NOC3L: variants seen among roughly 807,000 people sequenced by gnomAD.
The protein encoded by NOC3L is NOC3 like DNA replication regulator, also known as nucleolar complex protein 3 homolog.
In NOC3L, 85 loss-of-function variants were observed where a neutral mutation model predicts 102.5. The observed-to-expected ratio is 0.83, with a 90% CI of 0.70 to 0.99. The LOEUF (loss-of-function observed/expected upper bound fraction) is 0.99. Among genes scored for constraint, NOC3L ranks in the 50% least tolerant of loss-of-function variants. NOC3L has a pLI of 0.00. For synonymous variants in NOC3L, 303 were observed against 309.4 expected, an observed-to-expected ratio of 0.98 and a Z score of 0.22; for missense variants, 878 against 914.9, an observed-to-expected ratio of 0.96 and a Z score of 0.52.
At chr10:94,351,384 C>T (rs948518601) in intron 8 of NOC3L, among the ~76,000 whole-genome samples, 4 of 152,262 alleles carry the variant, frequency 2.6e-5, no homozygotes, top group Non-Finnish European at 4.4e-5. Context: ...CTGGCCTAGG[C>T]AACAACTGTC....
At chr10:94,354,430 C>A (rs938571919) in intron 6 of NOC3L, among the ~76,000 whole-genome samples, 1 of 152,040 alleles carries the variant, frequency 6.6e-6, no homozygotes, top group Non-Finnish European at 1.5e-5. Flanking sequence ...TAGTACTTAT[C>A]AGGGCCAAGA....
chr10:94,315,132 T>C, the NOC3L span: 1 of 276,752 alleles, frequency 3.6e-6, no homozygotes, highest in African/African-American at 2.2e-5. Context: ...TCCTGAATTA[T>C]CCCTATAGTA....
chr10:94,336,362 T>A (rs1449054053), intron 19 of NOC3L, among the ~76,000 whole-genome samples: 1 of 151,950 alleles, frequency 6.6e-6, no homozygotes, highest in Non-Finnish European at 1.5e-5. Flanking sequence ...CTGTTTTTTT[T>A]TTTTCAGACG....
chr10:94,322,142 TTA>T, the NOC3L span: 2 of 1,312,854 alleles, frequency 1.5e-6, no homozygotes, highest in Admixed American at 1.7e-5. Context: ...ATGGCTCATT[TTA>T]TGAGTGAAGT....
intron 7 of NOC3L, 41 bp downstream of exon 7, chr10:94,352,855 G>A: frequency 1.9e-6 from 3 of 1,543,678 alleles, no homozygotes; most frequent in Non-Finnish European, 2.7e-6. Context: ...AAAATGTTTA[G>A]TTATTTTAGA....
At chr10:94,341,575 GT>G in intron 14 of NOC3L, 97 bp downstream of exon 14, 3 of 539,550 alleles carry the variant, frequency 5.6e-6, no homozygotes, top group Non-Finnish European at 6.2e-6. Flanking sequence ...TCTAAAAGGG[GT>G]TTTACTGTAT....
At chr10:94,324,407 A>C in the NOC3L span, 1 of 1,614,192 alleles carries the variant, frequency 6.2e-7, no homozygotes, top group Non-Finnish European at 8.5e-7. Context: ...CCAAGCGACT[A>C]TGTGCTTTTG....
the NOC3L span, among the ~76,000 whole-genome samples, chr10:94,318,339 T>A: frequency 1.3e-5 from 2 of 152,232 alleles, no homozygotes; most frequent in African/African-American, 4.8e-5. Context: ...TTGTCTTGCC[T>A]TATTAATTAG....
intron 20 of NOC3L, 27 bp downstream of exon 20, chr10:94,334,607 T>A: frequency 6.4e-7 from 1 of 1,555,080 alleles, no homozygotes; most frequent in Non-Finnish European, 8.8e-7. Context: ...TATTTCTTCC[T>A]TTAAAAAAAT....
At chr10:94,357,931 C>A in intron 3 of NOC3L, 152 bp downstream of exon 3, 2 of 609,512 alleles carry the variant, frequency 3.3e-6, no homozygotes, top group Admixed American at 2.9e-5. Flanking sequence ...TATACATGAA[C>A]CTCCTTTATT....
chr10:94,333,353 T>G lies in NOC3L; in HGVS notation c.*824A>C, dbSNP rs1463831328. The stretch of plus-strand genomic sequence containing the variant: ...TGGGAATAGCTGTTACATAAAATAC[T>G]GTTTTATAATTATATTAATAAGAAA... On this transcript the variant is annotated 3_prime_UTR_variant, in exon 21 of 21. Transcript: ENST00000371361. 6.6e-6 allele frequency: 1 copy of G among 152,214 alleles called. No homozygotes were observed. The highest frequency in any genetic ancestry group is 1.9e-4 in the East Asian group (1 of 5,200). The allele number at this position is 152,214 out of a possible 1,614,324, so 9.4% of individuals were successfully genotyped here.
At chr10:94,348,277 G>A (rs981764434) in intron 10 of NOC3L, among the ~76,000 whole-genome samples, 4 of 151,432 alleles carry the variant, frequency 2.6e-5, no homozygotes, top group African/African-American at 9.7e-5. Flanking sequence ...AAATCTCGGA[G>A]AGACTCCGTA....
At chr10:94,329,452 T>C (rs1380590041), downstream of NOC3L, 2 of 152,172 alleles carry the variant, frequency 1.3e-5, no homozygotes, top group East Asian at 1.9e-4. Flanking sequence ...ACCATCCCCA[T>C]GTGTTTCTTG....
the NOC3L span, chr10:94,324,214 G>A: frequency 2.6e-6 from 2 of 776,606 alleles, no homozygotes; most frequent in South Asian, 2.9e-5. Flanking sequence ...TGCAAAATGA[G>A]TTGGATGAAA....
At chr10:94,362,350 A>G (rs964124021) in intron 1 of NOC3L, among the ~76,000 whole-genome samples, 2 of 152,214 alleles carry the variant, frequency 1.3e-5, no homozygotes, top group Admixed American at 1.3e-4. Context: ...AAGGAGGGCA[A>G]AACTGAATTC....
At chr10:94,359,558 C>A (rs760200208) in intron 2 of NOC3L, among the ~76,000 whole-genome samples, 5 of 151,928 alleles carry the variant, frequency 3.3e-5, no homozygotes, top group Non-Finnish European at 5.9e-5. Flanking sequence ...ATTTAATAAT[C>A]CCATTAAAAA....
At chr10:94,353,141 A>G in intron 6 of NOC3L, 84 bp from the exon 7 acceptor site, 1 of 1,134,104 alleles carries the variant, frequency 8.8e-7, no homozygotes, top group South Asian at 1.5e-5. Context: ...ATCCGGCAAA[A>G]CAAGCGGAAT....
chr10:94,344,576 G>T, intron 12 of NOC3L, 61 bp from the exon 13 acceptor site: 1 of 1,162,988 alleles, frequency 8.6e-7, no homozygotes, highest in Non-Finnish European at 1.3e-6. Flanking sequence ...TCCTGAGTGA[G>T]CATAAGTATC....
chr10:94,327,156 G>A, the NOC3L span, among the ~76,000 whole-genome samples: 5 of 152,154 alleles, frequency 3.3e-5, no homozygotes, highest in African/African-American at 7.2e-5. Context: ...GCGAGACTCC[G>A]TCTCAAAACA....
Sources: gnomAD v4.1 joint callset for allele counts (sites outside exome capture counted in the v4.1 genomes callset) on GRCh38, gnomAD v4.1.1 for gene constraint, MANE v1.5 for transcripts, NCBI Gene and HGNC (gene_info 2026-07-23, HGNC 2026-07-21) for gene names.